The following NEK10 variants were observed in gnomAD, a reference collection of about 807,000 sequenced individuals.
NEK10 encodes serine/threonine-protein kinase Nek10.
A neutral mutation model predicts 159.8 loss-of-function variants in NEK10; 122 were observed. The observed-to-expected ratio is 0.76, with a 90% CI of 0.66 to 0.89. NEK10 has a LOEUF of 0.89. NEK10 is among the 40% of genes least tolerant of loss of function. The pLI is 0.00. For synonymous variants in NEK10, 466 were observed against 457.1 expected (o/e 1.02, Z -0.25); for missense variants, 1,342 against 1,323.1 (o/e 1.01, Z -0.22).
In NEK10 at chr3:27,109,376, C is replaced by CT. The variant is rs1482747956; in HGVS notation, c.*1895dup. Among the ~76,000 whole-genome samples, 31 of 89,416 alleles carry CT rather than the reference C, an allele frequency of 3.5e-4. No individual in the cohort carries two copies. Among genetic ancestry groups the CT allele is most frequent in the Non-Finnish European group, 5.8e-4 (25 of 43,020 alleles). The allele number at this position is 89,416 out of a possible 152,430, so 58.7% of individuals were successfully genotyped here. ...CCTGGGCAACAGAGTGAGACTCTGTCTTAAAAAAAAAAAAAAAAAAAAAGA... is the reference window on the plus strand; with the variant it reads ...CCTGGGCAACAGAGTGAGACTCTGTCTTTAAAAAAAAAAAAAAAAAAAAAGA... On this transcript the variant is annotated 3_prime_UTR_variant, in exon 36 of 36. Coordinates refer to ENST00000691995, the MANE Select transcript of NEK10 (RefSeq NM_001394966.1).
intron 32 of NEK10, among the ~76,000 whole-genome samples, chr3:27,126,294 G>C (rs552720606): frequency 6.6e-6 from 1 of 152,108 alleles, no homozygotes; most frequent in South Asian, 2.1e-4. Flanking sequence ...AAGCAATCTG[G>C]GTAATAACAC....
chr3:27,227,085 ATT>A (rs1218808832), intron 23 of NEK10, among the ~76,000 whole-genome samples: 3 of 152,106 alleles, frequency 2.0e-5, no homozygotes, highest in Non-Finnish European at 4.4e-5. Context: ...TTGAACAAGC[ATT>A]TTCTGAGCAC....
intron 23 of NEK10, among the ~76,000 whole-genome samples, chr3:27,224,735 C>T (rs1952448594): frequency 6.6e-6 from 1 of 152,172 alleles, no homozygotes; most frequent in South Asian, 2.1e-4. Context: ...CACATGTAAG[C>T]TCCGTTTTCT....
intron 22 of NEK10, among the ~76,000 whole-genome samples, chr3:27,259,683 G>T (rs555138541): frequency 6.6e-6 from 1 of 152,276 alleles, no homozygotes; most frequent in South Asian, 2.1e-4. Context: ...TTTGGCTTAG[G>T]ATTGACTTAG....
chr3:27,156,979 T>TATATATATATATA (rs1945531255), intron 30 of NEK10, among the ~76,000 whole-genome samples: 2 of 102,466 alleles, frequency 2.0e-5, no homozygotes, highest in South Asian at 3.2e-4. Context: ...TATATATATA[T>TATATATATATATA]GATGAAATAC....
intron 25 of NEK10, among the ~76,000 whole-genome samples, chr3:27,195,742 G>A (rs1247496172): frequency 6.6e-6 from 1 of 152,088 alleles, no homozygotes; most frequent in African/African-American, 2.4e-5. Flanking sequence ...TTTTTTCAGA[G>A]AAACTTTTCG....
intron 30 of NEK10, among the ~76,000 whole-genome samples, chr3:27,153,372 C>A (rs1185680646): frequency 1.3e-5 from 2 of 151,270 alleles, no homozygotes; most frequent in Non-Finnish European, 2.9e-5. Flanking sequence ...CTTCAGTACT[C>A]CACTGACACA....
At chr3:27,290,825 A>C in intron 18 of NEK10, 71 bp from the exon 19 acceptor site, 1 of 1,218,976 alleles carries the variant, frequency 8.2e-7, no homozygotes, top group East Asian at 2.3e-5. Context: ...AAGAGGAAGA[A>C]AGAGATAGAC....
intron 26 of NEK10, among the ~76,000 whole-genome samples, chr3:27,176,718 TA>T: frequency 6.6e-6 from 1 of 152,344 alleles, no homozygotes; most frequent in East Asian, 1.9e-4. Context: ...TGACCTTTTT[TA>T]TTCTAAGTAA....
At chr3:27,158,167 G>A (rs544470861) in intron 30 of NEK10, among the ~76,000 whole-genome samples, 13 of 152,192 alleles carry the variant, frequency 8.5e-5, no homozygotes, top group South Asian at 8.3e-4. Flanking sequence ...TGCAATGAAG[G>A]TGCTTACAAT....
intron 5 of NEK10, among the ~76,000 whole-genome samples, chr3:27,330,162 A>T (rs534945535): frequency 3.9e-5 from 6 of 152,268 alleles, no homozygotes; most frequent in East Asian, 1.9e-4. Flanking sequence ...GTGTGTGTGT[A>T]CATGTGTGTA....
intron 18 of NEK10, 128 bp downstream of exon 18, chr3:27,291,134 A>T: frequency 1.1e-6 from 1 of 921,208 alleles, no homozygotes; most frequent in East Asian, 2.6e-5. Flanking sequence ...AAAAACAATC[A>T]TTCTAATTTT....
chr3:27,152,967 T>C (rs1945031286), intron 30 of NEK10, among the ~76,000 whole-genome samples: 1 of 152,112 alleles, frequency 6.6e-6, no homozygotes. Context: ...AATATCACAA[T>C]CCTAAATATA....
intron 22 of NEK10, among the ~76,000 whole-genome samples, chr3:27,269,722 C>T (rs576842617): frequency 6.1e-4 from 93 of 152,324 alleles, no homozygotes; most frequent in East Asian, 1.2e-3. Flanking sequence ...TCCACAGTAT[C>T]TCCAAGGTAT....
chr3:27,295,652 T>G lies in NEK10; in HGVS notation c.1269A>C (p.Pro423=). 6.4e-7 allele frequency: 1 copy of G among 1,568,164 alleles called. No homozygotes were observed. Among genetic ancestry groups the G allele is most frequent in the Non-Finnish European group, 8.7e-7 (1 of 1,153,930 alleles). The part of the protein sequence containing the change: ...GVYTIAKLIL[P]NKQKNAAKSN... ...TTTTTGCTGCATTCTTTTGCTTATT[T>G]GGTAAAATTAATTTTGCTATTGTAT... The change falls in exon 15 of 36, where the codon CCA becomes CCC. Residue 423 remains proline (P), a synonymous_variant. Transcript: ENST00000691995.
chr3:27,129,496 T>C (rs1397733233), intron 32 of NEK10, among the ~76,000 whole-genome samples: 1 of 152,072 alleles, frequency 6.6e-6, no homozygotes, highest in Non-Finnish European at 1.5e-5. Flanking sequence ...TGAACAGAAG[T>C]TGTTGCTATC....
intron 23 of NEK10, among the ~76,000 whole-genome samples, chr3:27,218,361 C>A (rs1951741087): frequency 6.6e-6 from 1 of 152,032 alleles, no homozygotes; most frequent in Non-Finnish European, 1.5e-5. Context: ...AATCCCAGCA[C>A]TTTGGGAGAC....
At chr3:27,246,907 G>A (rs779234328) in intron 23 of NEK10, among the ~76,000 whole-genome samples, 6 of 152,046 alleles carry the variant, frequency 3.9e-5, no homozygotes, top group Non-Finnish European at 7.4e-5. Flanking sequence ...CACATTGTGC[G>A]CTGTTGGTGT....
At chr3:27,256,866 A>G (rs1305394794) in intron 22 of NEK10, among the ~76,000 whole-genome samples, 1 of 151,326 alleles carries the variant, frequency 6.6e-6, no homozygotes, top group Non-Finnish European at 1.5e-5. Context: ...TATTAGCACA[A>G]TCTTGTACTT....
Sources: gnomAD v4.1 joint callset for allele counts (sites outside exome capture counted in the v4.1 genomes callset) on GRCh38, gnomAD v4.1.1 for gene constraint, MANE v1.5 for transcripts, NCBI Gene and HGNC (gene_info 2026-07-23, HGNC 2026-07-21) for gene names.